The following FAM227B variants were observed in gnomAD, a reference collection of about 807,000 sequenced individuals.
The protein encoded by FAM227B is family with sequence similarity 227 member B.
In FAM227B, 88 loss-of-function variants were observed where a neutral mutation model predicts 73.8. The observed-to-expected ratio is 1.19, with a 90% CI of 1.00 to 1.42. The LOEUF (loss-of-function observed/expected upper bound fraction) is 1.42. FAM227B is among the 40% of genes most tolerant of loss of function. The pLI is 0.00. For missense variants in FAM227B, 632 were observed against 590.9 expected, an observed-to-expected ratio of 1.07 and a Z score of -0.72; for synonymous variants, 210 against 190.5, an observed-to-expected ratio of 1.10 and a Z score of -0.84.
At chr15:49,423,414 T>C (rs1224944016) in intron 11 of FAM227B, 1 of 152,220 alleles carries the variant, frequency 6.6e-6, no homozygotes, top group Non-Finnish European at 1.5e-5. Context: ...GGAATTCTTA[T>C]ATATCCAGCT....
At position 49,489,845 on chromosome 15, in the gene FAM227B, A is replaced by ATATTT. The variant is rs2056838205; in HGVS notation, c.1012+18365_1012+18366insAAATA. Reference sequence around the variant, plus strand: ...TTTTATATATATATATATATTTTATATATATATATATATTTTATATATATA... The same window carrying ATATTT: ...TTTTATATATATATATATATTTTATATATTTTATATATATATATTTTATATATATA... On this transcript the variant is annotated intron_variant, in intron 11 of 15. Transcript: ENST00000299338. 1.1e-4 allele frequency among the ~76,000 whole-genome samples: 2 copies of ATATTT among 17,900 alleles called. 1 individual carries two copies. The highest frequency in any genetic ancestry group is 2.4e-4 in the Non-Finnish European group (2 of 8,368). 11.7% of individuals were successfully genotyped at this position (17,900 alleles called of 152,430 possible).
intron 3 of FAM227B, among the ~76,000 whole-genome samples, chr15:49,598,622 T>C (rs534801410): frequency 1.3e-5 from 2 of 152,162 alleles, no homozygotes; most frequent in East Asian, 1.9e-4. Flanking sequence ...GTACATTCCT[T>C]CTGCACCTAA....
chr15:49,477,450 T>A (rs2151994009), intron 11 of FAM227B, among the ~76,000 whole-genome samples: 1 of 152,364 alleles, frequency 6.6e-6, no homozygotes, highest in Middle Eastern at 3.4e-3. Flanking sequence ...TTTTTCAGAC[T>A]GGTTTCTTTC....
intron 11 of FAM227B, among the ~76,000 whole-genome samples, chr15:49,505,919 G>A (rs1047573684): frequency 1.3e-5 from 2 of 151,846 alleles, no homozygotes; most frequent in East Asian, 3.9e-4. Context: ...ATATGAACTA[G>A]TTATATGTAA....
chr15:49,428,450 T>A (rs1453366080), intron 11 of FAM227B, among the ~76,000 whole-genome samples: 2 of 152,032 alleles, frequency 1.3e-5, no homozygotes, highest in Non-Finnish European at 2.9e-5. Context: ...CTTCCACTTT[T>A]GTTGTCAGAA....
At chr15:49,547,011 A>G (rs2072008823) in intron 9 of FAM227B, among the ~76,000 whole-genome samples, 1 of 152,208 alleles carries the variant, frequency 6.6e-6, no homozygotes, top group African/African-American at 2.4e-5. Flanking sequence ...GAAGGAAAAA[A>G]TGTTAAGGGC....
intron 10 of FAM227B, among the ~76,000 whole-genome samples, chr15:49,521,936 C>T (rs922514827): frequency 3.3e-5 from 5 of 152,130 alleles, no homozygotes; most frequent in African/African-American, 1.2e-4. Context: ...GCGGCATTTC[C>T]ACTCATTATC....
chr15:49,334,306 G>A, intron 14 of FAM227B: 2 of 906,028 alleles, frequency 2.2e-6, no homozygotes, highest in Non-Finnish European at 2.6e-6. Context: ...TAAAGTTAAA[G>A]TTTGAAGTTA....
At chr15:49,359,936 G>T (rs1469916007) in intron 13 of FAM227B, among the ~76,000 whole-genome samples, 1 of 150,318 alleles carries the variant, frequency 6.7e-6, no homozygotes, top group African/African-American at 2.5e-5. Context: ...CATGTCCTTT[G>T]TATGGACATG....
intron 10 of FAM227B, among the ~76,000 whole-genome samples, chr15:49,539,133 T>A (rs1048955827): frequency 1.3e-5 from 2 of 151,946 alleles, no homozygotes; most frequent in African/African-American, 4.8e-5. Flanking sequence ...ATTGACTAGG[T>A]GAGGTGTAGT....
chr15:49,600,486 T>A (rs1401477378), intron 3 of FAM227B, among the ~76,000 whole-genome samples: 4 of 151,678 alleles, frequency 2.6e-5, no homozygotes, highest in Admixed American at 2.6e-4. Flanking sequence ...AAACCCCATC[T>A]CTACTAAAAA....
At chr15:49,486,141 C>G (rs1374650814) in intron 11 of FAM227B, 1 of 151,970 alleles carries the variant, frequency 6.6e-6, no homozygotes, top group African/African-American at 2.4e-5. Context: ...GTTTTAATTT[C>G]AAAATATTTG....
intron 11 of FAM227B, among the ~76,000 whole-genome samples, chr15:49,377,060 C>A (rs533442859): frequency 6.6e-6 from 1 of 152,020 alleles, no homozygotes; most frequent in African/African-American, 2.4e-5. Flanking sequence ...TGGTAACCAT[C>A]CTTCTAGTCT....
At chr15:49,391,194 T>C (rs1360859438) in intron 11 of FAM227B, among the ~76,000 whole-genome samples, 1 of 152,110 alleles carries the variant, frequency 6.6e-6, no homozygotes, top group African/African-American at 2.4e-5. Context: ...ACCACAAATA[T>C]TTCTCCAGCC....
intron 11 of FAM227B, among the ~76,000 whole-genome samples, chr15:49,408,133 G>A (rs1211118717): frequency 6.6e-6 from 1 of 152,122 alleles, no homozygotes; most frequent in East Asian, 1.9e-4. Flanking sequence ...CTAAAGTTGG[G>A]AAACATTTGA....
chr15:49,427,777 A>G (rs1597120668), intron 11 of FAM227B, among the ~76,000 whole-genome samples: 1 of 151,966 alleles, frequency 6.6e-6, no homozygotes, highest in South Asian at 2.1e-4. Context: ...CAGGAGAAGT[A>G]AAATATCTAG....
Position 49,568,316 on chromosome 15 carries a change from C to T in FAM227B, c.676G>A (p.Asp226Asn), listed in dbSNP as rs750848770. The change falls in exon 9 of 16, where the codon GAT (aspartate) becomes AAT (asparagine). Residue 226 changes from aspartate to asparagine, a missense_variant. Asp to Asn is a conservative substitution (Grantham distance 23, BLOSUM62 1). Coordinates refer to ENST00000299338, the MANE Select transcript of FAM227B (RefSeq NM_152647.3). Reference protein sequence around the residue: ...PDRENQDCLFDRISESYVTLF... With the variant: ...PDRENQDCLFNRISESYVTLF... Reference sequence around the variant, plus strand: ...GTCACATAACTTTCTGAAATTCTATCGAATAAGCAATCTTGGTTTTCTCTG... The same window carrying T: ...GTCACATAACTTTCTGAAATTCTATTGAATAAGCAATCTTGGTTTTCTCTG... 1.2e-6 allele frequency: 2 copies of T among 1,610,358 alleles called. No individual in the cohort carries two copies. Among genetic ancestry groups the T allele is most frequent in the Admixed American group, 1.7e-5 (1 of 59,560 alleles).
At chr15:49,328,894 C>T in intron 15 of FAM227B, 1 of 1,262,890 alleles carries the variant, frequency 7.9e-7, no homozygotes, top group East Asian at 2.9e-5. Context: ...GAGCTATCTC[C>T]ATTACTTAAT....
chr15:49,416,907 A>G (rs1373860559), intron 11 of FAM227B, among the ~76,000 whole-genome samples: 1 of 152,216 alleles, frequency 6.6e-6, no homozygotes, highest in East Asian at 1.9e-4. Flanking sequence ...AATGCATGGA[A>G]AAAGATTCCA....
Sources: allele counts gnomAD v4.1 joint callset (sites outside exome capture counted in the v4.1 genomes callset), GRCh38; gene constraint gnomAD v4.1.1; transcripts MANE v1.5; gene names NCBI Gene and HGNC (gene_info 2026-07-23, HGNC 2026-07-21).